ACTA2: variants seen among roughly 807,000 people sequenced by gnomAD.
ACTA2 encodes the protein actin, aortic smooth muscle.
Under a neutral mutation model 39.5 loss-of-function variants are expected in ACTA2, and 12 were observed. That is an observed-to-expected ratio of 0.30 (90% CI 0.19 to 0.49). The LOEUF is 0.49. Ranked by LOEUF, ACTA2 falls within the 20% of genes least tolerant of loss-of-function variation. ACTA2 has a pLI of 0.99. For synonymous variants in ACTA2, 158 were observed against 180.6 expected (o/e 0.88, Z 1.00); for missense variants, 236 against 498.8 (o/e 0.47, Z 5.02).
intron 3 of ACTA2, 82 bp downstream of exon 3, chr10:88,947,176 C>T: frequency 1.3e-6 from 2 of 1,571,202 alleles, no homozygotes; most frequent in Non-Finnish European, 1.7e-6. Flanking sequence ...AGTTATTTCC[C>T]CAGCAGTAGT....
intron 1 of ACTA2, among the ~76,000 whole-genome samples, chr10:88,985,718 T>C: frequency 6.6e-6 from 1 of 152,200 alleles, no homozygotes; most frequent in South Asian, 2.1e-4. Flanking sequence ...CATGCTGTTC[T>C]GATGTCTCTT....
At chr10:88,940,885 C>T (rs1589393592) in intron 6 of ACTA2, 3 of 348,638 alleles carry the variant, frequency 8.6e-6, no homozygotes, top group South Asian at 4.6e-5. Context: ...AGTTGGGACT[C>T]GAGTCCTATC....
At chr10:88,974,847 A>G (rs1272958345) in intron 1 of ACTA2, 2 of 152,200 alleles carry the variant, frequency 1.3e-5, no homozygotes, top group African/African-American at 4.8e-5. Flanking sequence ...CAGTTAGATG[A>G]GCTGAGATCA....
chr10:88,950,176 C>T (rs1846024330), intron 1 of ACTA2, among the ~76,000 whole-genome samples: 1 of 152,204 alleles, frequency 6.6e-6, no homozygotes, highest in South Asian at 2.1e-4. Context: ...TTAGCCACCC[C>T]TTGGCTTCCA....
chr10:88,970,897 G>GTGTGTA (rs1384308570), intron 1 of ACTA2, among the ~76,000 whole-genome samples: 4 of 150,386 alleles, frequency 2.7e-5, no homozygotes, highest in East Asian at 2.0e-4. Flanking sequence ...GTGTGTGTGT[G>GTGTGTA]TATATATATA....
chr10:88,989,145 C>T (rs1056171181), intron 1 of ACTA2, among the ~76,000 whole-genome samples: 1 of 152,134 alleles, frequency 6.6e-6, no homozygotes. Context: ...TTAATAATCA[C>T]TCATCTCACT....
intron 1 of ACTA2, among the ~76,000 whole-genome samples, chr10:88,960,624 G>A (rs1318036879): frequency 6.8e-6 from 1 of 147,590 alleles, no homozygotes; most frequent in East Asian, 1.9e-4. Context: ...TAGGGAACTG[G>A]TGGCCCGAAG....
upstream of ACTA2, among the ~76,000 whole-genome samples, chr10:88,953,352 G>T (rs1257751065): frequency 6.6e-6 from 1 of 152,196 alleles, no homozygotes; most frequent in Non-Finnish European, 1.5e-5. Flanking sequence ...GAAGTATGGA[G>T]ACAAGGTTGA....
chr10:88,948,269 G>C (rs1023178262), intron 2 of ACTA2: 2 of 162,238 alleles, frequency 1.2e-5, no homozygotes, highest in African/African-American at 4.8e-5. Flanking sequence ...AATTTCTGAG[G>C]TGAAATTACT....
chr10:88,937,338 G>T (rs1184221309), intron 8 of ACTA2, among the ~76,000 whole-genome samples: 1 of 152,168 alleles, frequency 6.6e-6, no homozygotes, highest in Admixed American at 6.5e-5. Context: ...CCTGTGACAT[G>T]GGTCAGAGGG....
intron 1 of ACTA2, among the ~76,000 whole-genome samples, chr10:88,976,204 TAA>T (rs944323068): frequency 3.3e-5 from 5 of 149,500 alleles, no homozygotes; most frequent in African/African-American, 9.8e-5. Flanking sequence ...GCTGATGAGC[TAA>T]AAAAAAAATC....
At chr10:88,937,768 C>G (rs561506822) in intron 8 of ACTA2, among the ~76,000 whole-genome samples, 55 of 152,264 alleles carry the variant, frequency 3.6e-4, no homozygotes, top group African/African-American at 1.3e-3. Flanking sequence ...CAACAAAATG[C>G]ATATTTTAAA....
chr10:88,980,139 G>A (rs565420165), intron 1 of ACTA2, among the ~76,000 whole-genome samples: 1 of 152,086 alleles, frequency 6.6e-6, no homozygotes, highest in Non-Finnish European at 1.5e-5. Context: ...TTCTGGTCTG[G>A]ACAGAAATGA....
intron 1 of ACTA2, among the ~76,000 whole-genome samples, chr10:88,951,680 G>A (rs951924195): frequency 3.3e-5 from 5 of 152,092 alleles, no homozygotes; most frequent in African/African-American, 7.2e-5. Context: ...GGTAAAACAC[G>A]CTCGAGTGTC....
At chr10:88,938,683 A>AT (rs919083251) in intron 7 of ACTA2, among the ~76,000 whole-genome samples, 6 of 61,808 alleles carry the variant, frequency 9.7e-5, no homozygotes, top group Admixed American at 5.1e-4. Flanking sequence ...AACTTACTCT[A>AT]TTTTTTATCC....
intron 7 of ACTA2, 27 bp from the exon 8 acceptor site, chr10:88,938,269 C>T (rs1157018882): frequency 1.2e-6 from 2 of 1,613,552 alleles, no homozygotes; most frequent in South Asian, 1.1e-5. Flanking sequence ...GGCCATGGTC[C>T]TTAAGTGGAG....
chr10:88,979,949 A>G (rs578082177), intron 1 of ACTA2, among the ~76,000 whole-genome samples: 1 of 150,582 alleles, frequency 6.6e-6, no homozygotes, highest in African/African-American at 2.4e-5. Flanking sequence ...ACGTTCAAAG[A>G]GCTTCCAAGC....
At position 88,990,715 on chromosome 10, in the gene ACTA2, G is replaced by A. The variant is rs557366318; in HGVS notation, c.-24+224C>T. ...CTGGGGAGTGAGGGAAGCGGTTTAC[G>A]AGTGACTTGGCTGGAGCCTCAGGGG... On this transcript the variant is annotated intron_variant, in intron 1 of 4. Transcript: ENST00000415557. The surrounding 1 kb of genome is among the most constrained non-coding windows in gnomAD (Gnocchi z 4.9). The A allele has an allele frequency of 1.8e-4, 144 of 797,788 alleles. No homozygotes were observed. Among genetic ancestry groups the A allele is most frequent in the Admixed American group, 9.2e-4 (47 of 50,838 alleles). The allele number at this position is 797,788 out of a possible 1,614,324, so 49.4% of individuals were successfully genotyped here.
intron 1 of ACTA2, chr10:88,973,219 C>T: frequency 6.2e-7 from 1 of 1,612,556 alleles, no homozygotes; most frequent in Non-Finnish European, 8.5e-7. Context: ...TCTGGCACTG[C>T]TTTGGAGATG....
Sources: gnomAD v4.1 joint callset for allele counts (sites outside exome capture counted in the v4.1 genomes callset) on GRCh38, gnomAD v4.1.1 for gene constraint, Gnocchi (gnomAD v3.1) non-coding constraint, MANE v1.5 for transcripts, NCBI Gene and HGNC (gene_info 2026-07-23, HGNC 2026-07-21) for gene names.